The following PLCG2 variants were observed in gnomAD, a reference collection of about 807,000 sequenced individuals.
PLCG2 encodes 1-phosphatidylinositol 4,5-bisphosphate phosphodiesterase gamma-2.
PLCG2 carries 69 observed loss-of-function variants against 175.6 expected under a neutral mutation model. That is an observed-to-expected ratio of 0.39 (90% CI 0.32 to 0.48). The LOEUF is 0.48. Among genes scored for constraint, PLCG2 ranks in the 20% least tolerant of loss-of-function variants. The pLI, the probability that PLCG2 is intolerant of heterozygous loss-of-function variation, is 0.91. For synonymous variants in PLCG2, 827 were observed against 624.0 expected, an observed-to-expected ratio of 1.33 and a Z score of -4.85; for missense variants, 1,798 against 1,650.9, an observed-to-expected ratio of 1.09 and a Z score of -1.54.
chr16:81,821,143 C>T (rs1479094386), intron 2 of PLCG2, among the ~76,000 whole-genome samples: 4 of 152,250 alleles, frequency 2.6e-5, no homozygotes, highest in African/African-American at 4.8e-5. Flanking sequence ...CTGCCCGCCT[C>T]GGCCTCCCAA....
intron 2 of PLCG2, among the ~76,000 whole-genome samples, chr16:81,838,592 C>T (rs1905648237): frequency 6.6e-6 from 1 of 151,664 alleles, no homozygotes; most frequent in Non-Finnish European, 1.5e-5. Flanking sequence ...GGGAACATCA[C>T]ACACCAGGGC....
intron 2 of PLCG2, among the ~76,000 whole-genome samples, chr16:81,840,175 G>A (rs1400790058): frequency 6.6e-6 from 1 of 152,118 alleles, no homozygotes; most frequent in Non-Finnish European, 1.5e-5. Flanking sequence ...ATGAAACATC[G>A]GCAATCAACG....
At chr16:81,951,148 A>ATT (rs1054004056) in intron 31 of PLCG2, among the ~76,000 whole-genome samples, 1 of 147,976 alleles carries the variant, frequency 6.8e-6, no homozygotes, top group African/African-American at 2.5e-5. Context: ...CTAATTTAAA[A>ATT]TTTGTGTGTG....
chr16:81,848,341 G>A (rs1192306090), intron 2 of PLCG2, among the ~76,000 whole-genome samples: 1 of 152,244 alleles, frequency 6.6e-6, no homozygotes, highest in African/African-American at 2.4e-5. Flanking sequence ...GATGCCTGCA[G>A]CTCTTTCCTG....
chr16:81,774,132 G>A (rs112957855), intron 2 of PLCG2, among the ~76,000 whole-genome samples: 2,193 of 122,912 alleles, frequency 0.018, 31 homozygotes, highest in Middle Eastern at 0.069. Context: ...AGGAGTTTGA[G>A]ATCAGCCTGG....
chr16:81,794,974 T>G (rs1292195469), intron 2 of PLCG2, among the ~76,000 whole-genome samples: 1 of 152,238 alleles, frequency 6.6e-6, no homozygotes. Flanking sequence ...GCTGAATAGC[T>G]GAGGAATTGC....
In PLCG2 at chr16:81,903,213, G is replaced by T. The variant is rs7198440; in HGVS notation, c.1363-2190G>T. On this transcript the variant is annotated intron_variant, in intron 14 of 32. Transcript: ENST00000564138. The stretch of plus-strand genomic sequence containing the variant: ...AGGTTGGGACAATAGGACACACAAG[G>T]GTGTGGTGGTGTCAACACGTGGCAT... Among the ~76,000 whole-genome samples the T allele has an allele frequency of 4.2e-3, 646 of 152,324 alleles. 3 individuals are homozygous for T. The highest frequency in any genetic ancestry group is 0.017 in the Middle Eastern group (5 of 294).
At chr16:81,850,955 C>G (rs145474830) in intron 2 of PLCG2, among the ~76,000 whole-genome samples, 246 of 152,230 alleles carry the variant, frequency 1.6e-3, no homozygotes, top group African/African-American at 5.8e-3. Context: ...GGGAATGGCC[C>G]TTTGAACAAG....
chr16:81,770,767 G>T (rs1420476822), intron 2 of PLCG2, among the ~76,000 whole-genome samples: 1 of 151,936 alleles, frequency 6.6e-6, no homozygotes, highest in Non-Finnish European at 1.5e-5. Context: ...GCATAAAATG[G>T]CCCAGATCAG....
intron 5 of PLCG2, among the ~76,000 whole-genome samples, chr16:81,864,423 C>T (rs73592995): frequency 6.6e-6 from 1 of 152,158 alleles, no homozygotes; most frequent in Non-Finnish European, 1.5e-5. Context: ...CTAGCAGCTA[C>T]TACCTCAGAC....
intron 5 of PLCG2, among the ~76,000 whole-genome samples, chr16:81,862,279 G>A (rs1907021585): frequency 6.6e-6 from 1 of 152,270 alleles, no homozygotes; most frequent in African/African-American, 2.4e-5. Context: ...GTTTTGCTTG[G>A]CCCAAGCACG....
Position 81,946,172 on chromosome 16 carries a change from C to G in PLCG2, c.3482-3C>G. The G allele has an allele frequency of 1.2e-6, 2 of 1,612,230 alleles. No individual in the cohort carries two copies. Among genetic ancestry groups the G allele is most frequent in the South Asian group, 1.1e-5 (1 of 91,026 alleles). On this transcript the variant is annotated splice_region_variant and splice_polypyrimidine_tract_variant and intron_variant, in intron 30 of 32. Coordinates refer to ENST00000564138, the MANE Select transcript of PLCG2 (RefSeq NM_002661.5). Reference sequence around the variant, plus strand: ...TTGCATTTTCCTCCTTGTTCTGCTTCAGGATTCAGGTCCGTTCCTCTGAAG... The same window carrying G: ...TTGCATTTTCCTCCTTGTTCTGCTTGAGGATTCAGGTCCGTTCCTCTGAAG...
intron 1 of PLCG2, among the ~76,000 whole-genome samples, chr16:81,781,895 G>A (rs1187651666): frequency 1.5e-5 from 2 of 131,182 alleles, no homozygotes; most frequent in East Asian, 4.6e-4. Context: ...CCCCCGAGAC[G>A]GAGTCTTGCT....
intron 1 of PLCG2, among the ~76,000 whole-genome samples, chr16:81,781,046 CAA>C (rs1402416502): frequency 6.6e-6 from 1 of 151,622 alleles, no homozygotes; most frequent in East Asian, 2.0e-4. Flanking sequence ...AACAAACAAA[CAA>C]ACACACACAA....
intron 5 of PLCG2, among the ~76,000 whole-genome samples, chr16:81,865,993 G>A (rs1907213205): frequency 1.4e-5 from 2 of 138,244 alleles, no homozygotes; most frequent in South Asian, 4.7e-4. Flanking sequence ...AGCGTGAGAG[G>A]ACGCTGGCCT....
At chr16:81,832,200 T>G (rs1597343778) in intron 2 of PLCG2, among the ~76,000 whole-genome samples, 1 of 152,206 alleles carries the variant, frequency 6.6e-6, no homozygotes, top group African/African-American at 2.4e-5. Context: ...GGTGAATACT[T>G]GGGGGGATAT....
chr16:81,936,844 G>A (rs1035277681), intron 27 of PLCG2, among the ~76,000 whole-genome samples: 4 of 152,158 alleles, frequency 2.6e-5, no homozygotes, highest in African/African-American at 9.7e-5. Context: ...GACCTCTTTC[G>A]AGGGATCTAT....
At chr16:81,781,717 A>G (rs1334932640) in intron 1 of PLCG2, among the ~76,000 whole-genome samples, 1 of 152,170 alleles carries the variant, frequency 6.6e-6, no homozygotes, top group Non-Finnish European at 1.5e-5. Flanking sequence ...TTACCACTCA[A>G]GTATTTGCCT....
intron 2 of PLCG2, among the ~76,000 whole-genome samples, chr16:81,797,619 A>G (rs1049697173): frequency 6.6e-6 from 1 of 152,206 alleles, no homozygotes; most frequent in African/African-American, 2.4e-5. Context: ...TGGTTAACAG[A>G]TGAATCAGGA....
Sources: gnomAD v4.1 joint callset for allele counts (sites outside exome capture counted in the v4.1 genomes callset) on GRCh38, gnomAD v4.1.1 for gene constraint, MANE v1.5 for transcripts, NCBI Gene and HGNC (gene_info 2026-07-23, HGNC 2026-07-21) for gene names.